ADAMTS5: variants seen among roughly 807,000 people sequenced by gnomAD.
ADAMTS5 encodes A disintegrin and metalloproteinase with thrombospondin motifs 5.
ADAMTS5 carries 54 observed loss-of-function variants against 81.4 expected under a neutral mutation model. That is an observed-to-expected ratio of 0.66 (90% CI 0.53 to 0.83). The LOEUF (loss-of-function observed/expected upper bound fraction) is 0.83, where lower values mean the gene tolerates loss of function less well. ADAMTS5 is among the 40% of genes least tolerant of loss of function. ADAMTS5 has a pLI of 0.00. For synonymous variants in ADAMTS5, 532 were observed against 508.8 expected (o/e 1.05, Z -0.61); for missense variants, 1,194 against 1,229.9 (o/e 0.97, Z 0.44).
At position 26,923,567 on chromosome 21, in the gene ADAMTS5, C is replaced by T. The variant is rs567491780; in HGVS notation, c.*486G>A. On this transcript the variant is annotated 3_prime_UTR_variant, in exon 8 of 8. Coordinates refer to ENST00000284987, the MANE Select transcript of ADAMTS5 (RefSeq NM_007038.5). ...AAACGGAAGGAAGTTGAAATAGCTG[C>T]AGACCTACTTTGGTCAAACACTTTT... The T allele has an allele frequency of 2.6e-5, 4 of 153,002 alleles. No homozygotes were observed. In the East Asian group the frequency reaches 7.7e-4, roughly 29 times the overall value. The allele number at this position is 153,002 out of a possible 1,614,324, so 9.5% of individuals were successfully genotyped here.
rs1338724808 is a variant in ADAMTS5, at chr21:26,965,811, G to A, written c.581C>T (p.Thr194Ile). The A allele has an allele frequency of 5.0e-6, 8 of 1,608,904 alleles. No homozygotes were observed. In the African/African-American group the frequency reaches 5.3e-5, roughly 11 times the overall value. Residue 194 changes from threonine to isoleucine, a missense_variant, in exon 1 of 8, where the codon ACC becomes ATC. Physicochemically the swap from Thr to Ile is moderately conservative, Grantham distance 89. Transcript: ENST00000284987. ...GGCCTCGAAGCTGAAGCCCTCGCGG[G>A]TGTAGACGTGCAGGATCCGTGCGGA... is the stretch of plus-strand genomic sequence containing the variant. ...DGSARILHVY[T>I]REGFSFEALP...
intron 2 of ADAMTS5, among the ~76,000 whole-genome samples, chr21:26,946,691 A>G (rs79110619): frequency 0.026 from 3,964 of 152,264 alleles, 180 homozygotes; most frequent in African/African-American, 0.09. Context: ...TGAAGAATAT[A>G]AAAGAGTGTG....
At chr21:26,963,277 A>T (rs1456344110) in intron 1 of ADAMTS5, among the ~76,000 whole-genome samples, 9 of 152,070 alleles carry the variant, frequency 5.9e-5, no homozygotes, top group African/African-American at 2.2e-4. Flanking sequence ...GACTTTGGAA[A>T]AATAGGGACA....
intron 2 of ADAMTS5, among the ~76,000 whole-genome samples, chr21:26,953,137 T>G (rs1987353843): frequency 6.6e-6 from 1 of 152,188 alleles, no homozygotes; most frequent in African/African-American, 2.4e-5. Flanking sequence ...GTTCTTCTAG[T>G]GCAGCTGAGA....
At chr21:26,940,280 T>C (rs1467126361) in intron 3 of ADAMTS5, among the ~76,000 whole-genome samples, 1 of 152,254 alleles carries the variant, frequency 6.6e-6, no homozygotes, top group Non-Finnish European at 1.5e-5. Flanking sequence ...ATATGTGTTG[T>C]CAGATTACCT....
At chr21:26,957,015 T>A (rs569587152) in intron 1 of ADAMTS5, among the ~76,000 whole-genome samples, 1 of 152,330 alleles carries the variant, frequency 6.6e-6, no homozygotes, top group South Asian at 2.1e-4. Context: ...CCACACTATA[T>A]ATTTCTGTAG....
In ADAMTS5 at chr21:26,932,922, G is replaced by T; in HGVS notation, c.1812C>A (p.Arg604=). The change falls in exon 5 of 8, where the codon CGC becomes CGA. Residue 604 remains arginine, a synonymous_variant. Transcript: ENST00000284987. The part of the protein sequence containing the change: ...CNNPAPRNNG[R]YCTGKRAIYR... The stretch of plus-strand genomic sequence containing the variant: ...AGATGGCCCTCTTCCCTGTGCAGTA[G>T]CGTCCGTTGTTTCTGGGAGCAGGGT... The T allele has an allele frequency of 6.2e-7, 1 of 1,614,096 alleles. No individual in the cohort carries two copies. The highest frequency in any genetic ancestry group is 8.5e-7 in the Non-Finnish European group (1 of 1,179,998).
rs1338342992 is a variant in ADAMTS5 at position 26,920,608 on chromosome 21, A to G, written c.*3445T>C. The G allele has an allele frequency of 6.6e-6, 1 of 152,050 alleles. No homozygotes were observed. Among genetic ancestry groups the G allele is most frequent in the East Asian group, 1.9e-4 (1 of 5,190 alleles). The allele number at this position is 152,050 out of a possible 1,614,324, so 9.4% of individuals were successfully genotyped here. A position where few individuals can be genotyped will look rare whatever the true frequency, so the allele number is the denominator to read the frequency against. ...AGTTGTGTGTAGACAACTTTCATCTAATACATCAATATCGACTTGTCCAAG... is the reference window on the plus strand; with the variant it reads ...AGTTGTGTGTAGACAACTTTCATCTGATACATCAATATCGACTTGTCCAAG... On this transcript the variant is annotated 3_prime_UTR_variant, in exon 8 of 8. Coordinates refer to ENST00000284987, the MANE Select transcript of ADAMTS5 (RefSeq NM_007038.5).
Position 26,924,417 on chromosome 21 carries a change from C to A in ADAMTS5, c.2429G>T (p.Gly810Val). 1 of 1,614,148 alleles carries A rather than the reference C, an allele frequency of 6.2e-7. No homozygotes were observed. Among genetic ancestry groups the A allele is most frequent in the Non-Finnish European group, 8.5e-7 (1 of 1,179,972 alleles). The change falls in exon 8 of 8, where the codon GGT becomes GTT. Residue 810 changes from glycine to valine, a missense_variant. Physicochemically the swap from Gly to Val is moderately radical, Grantham distance 109. Around this residue, in one of 2 missense-constraint regions of ADAMTS5, gnomAD observed 696 missense variants for 817.6 expected, o/e 0.85. Coordinates refer to ENST00000284987, the MANE Select transcript of ADAMTS5 (RefSeq NM_007038.5). ...CAGGAAGTCATCCCTGTGGCTCCAACCGCTATAGTTCATGACTGTTCCATT... is the reference window on the plus strand; with the variant it reads ...CAGGAAGTCATCCCTGTGGCTCCAAACGCTATAGTTCATGACTGTTCCATT... ...DINGTVMNYS[G>V]WSHRDDFLHG... is the part of the protein sequence containing the mutation.
In ADAMTS5 at chr21:26,954,821, C is replaced by T. The variant is rs1987391709; in HGVS notation, c.1155G>A (p.Gly385=). ...AGCTGCGCTCTGGAGAACATATGGT[C>T]CCAACGTCTGCCATTCCCAGGGTGT... is the stretch of plus-strand genomic sequence containing the variant. The part of the protein sequence containing the change: ...SCDTLGMADV[G]TICSPERSCA... The change falls in exon 2 of 8, where the codon GGG becomes GGA. Residue 385 remains glycine (G), a synonymous_variant. Coordinates refer to ENST00000284987, the MANE Select transcript of ADAMTS5 (RefSeq NM_007038.5). The T allele has an allele frequency of 6.2e-7, 1 of 1,614,096 alleles. No homozygotes were observed. The highest frequency in any genetic ancestry group is 1.1e-5 in the South Asian group (1 of 91,080).
chr21:26,965,500 C>A lies in ADAMTS5; in HGVS notation c.892G>T (p.Ala298Ser), dbSNP rs1987623621. ...QHYLLTLASI[A>S]NRLYSHASIE... ...CTAGCATGGCTGTACAGCCTATTGG[C>A]GATGGAGGCCAGGGTCAGCAGGTAA... The change falls in exon 1 of 8, where the codon GCC (alanine) becomes TCC (serine). Residue 298 changes from alanine to serine, a missense_variant. This residue lies in a region of ADAMTS5 where 696 missense variants were observed against 817.6 expected (regional missense o/e 0.85). Coordinates refer to ENST00000284987, the MANE Select transcript of ADAMTS5 (RefSeq NM_007038.5). 5 of 1,614,210 alleles carry A rather than the reference C, an allele frequency of 3.1e-6. No individual in the cohort carries two copies. Among genetic ancestry groups the A allele is most frequent in the Non-Finnish European group, 3.4e-6 (4 of 1,180,032 alleles).
intron 4 of ADAMTS5, among the ~76,000 whole-genome samples, chr21:26,933,301 A>T (rs1211379068): frequency 6.6e-6 from 1 of 152,100 alleles, no homozygotes; most frequent in Non-Finnish European, 1.5e-5. Flanking sequence ...CACCACAAAG[A>T]TTATCACCTT....
At chr21:26,938,122 C>T (rs893170572) in intron 3 of ADAMTS5, among the ~76,000 whole-genome samples, 40 of 151,864 alleles carry the variant, frequency 2.6e-4, no homozygotes, top group South Asian at 2.1e-4. Context: ...CGCCTGTAGT[C>T]CCAGCTACTC....
In ADAMTS5 at chr21:26,920,748, T is replaced by A. The variant is rs1403725333; in HGVS notation, c.*3305A>T. The A allele has an allele frequency of 1.3e-5, 2 of 152,128 alleles. No homozygotes were observed. The highest frequency in any genetic ancestry group is 2.9e-5 in the Non-Finnish European group (2 of 67,986). The allele number at this position is 152,128 out of a possible 1,614,324, so 9.4% of individuals were successfully genotyped here. A position where few individuals can be genotyped will look rare whatever the true frequency, so the allele number is the denominator to read the frequency against. On this transcript the variant is annotated 3_prime_UTR_variant, in exon 8 of 8. Transcript: ENST00000284987. ...CTTGCACCTTGTTTCATTGAATAAG[T>A]GTTTTTCTTATTTGTGACTTGGAAA...
In ADAMTS5 at chr21:26,953,499, G is replaced by T. The variant is rs567684408; in HGVS notation, c.1237+1240C>A. ...TGCAATTACACTGTACCTTGGATTA[G>T]AAGTTATTTAACTCCCCAAAGAAAA... On this transcript the variant is annotated intron_variant, in intron 2 of 7. Transcript: ENST00000284987. Among the ~76,000 whole-genome samples, 3 of 152,270 alleles carry T rather than the reference G, an allele frequency of 2.0e-5. No individual in the cohort carries two copies. The East Asian group carries it at 5.8e-4, about 29-fold the overall frequency.
chr21:26,954,604 G>GACAC, intron 2 of ADAMTS5, 135 bp downstream of exon 2: 1 of 1,342,586 alleles, frequency 7.4e-7, no homozygotes, highest in South Asian at 1.5e-5. Context: ...TAAAAGTGCA[G>GACAC]ATATAAACAA....
chr21:26,957,330 AGTATATGT>A (rs1036370649), intron 1 of ADAMTS5, among the ~76,000 whole-genome samples: 6 of 152,170 alleles, frequency 3.9e-5, no homozygotes, highest in Admixed American at 2.0e-4. Context: ...TTGGGGCAAT[AGTATATGT>A]GTATATGTGT....
In ADAMTS5 at chr21:26,918,363, C is replaced by A. The variant is rs573497562; in HGVS notation, c.*5690G>T. The A allele has an allele frequency of 6.6e-6, 1 of 152,432 alleles. No homozygotes were observed. The highest frequency in any genetic ancestry group is 6.6e-5 in the Admixed American group (1 of 15,238). 9.4% of individuals were successfully genotyped at this position (152,432 alleles called of 1,614,324 possible). A position where few individuals can be genotyped will look rare whatever the true frequency, so the allele number is the denominator to read the frequency against. On this transcript the variant is annotated 3_prime_UTR_variant, in exon 8 of 8. Transcript: ENST00000284987. ...TTTCAAGGTTTAAAAATCTGTTATACCTACTTAGGTTTATTACTTGACTTT... is the reference window on the plus strand; with the variant it reads ...TTTCAAGGTTTAAAAATCTGTTATAACTACTTAGGTTTATTACTTGACTTT...
intron 5 of ADAMTS5, among the ~76,000 whole-genome samples, chr21:26,932,587 G>T (rs933398510): frequency 6.6e-6 from 1 of 152,004 alleles, no homozygotes; most frequent in Non-Finnish European, 1.5e-5. Context: ...TGTAATCCCG[G>T]CTACTCAGGA....
Sources: gnomAD v4.1 joint callset for allele counts (sites outside exome capture counted in the v4.1 genomes callset) on GRCh38, gnomAD v4.1.1 for gene constraint, gnomAD v4.1.1 regional missense constraint, MANE v1.5 for transcripts, NCBI Gene and HGNC (gene_info 2026-07-23, HGNC 2026-07-21) for gene names.